FLG2: variants seen among roughly 807,000 people sequenced by gnomAD.
The protein encoded by FLG2 is filaggrin 2.
In FLG2, 7 loss-of-function variants were observed where a neutral mutation model predicts 3.9. The observed-to-expected ratio is 1.79, with a 90% CI of 1.02 to 3.36. FLG2 has a LOEUF of 3.36. Among genes scored for constraint, FLG2 ranks in the 30% most tolerant of loss-of-function variants. The probability of loss-of-function intolerance (pLI) is 0.00; values close to 1 mark genes in which losing one functional copy is unlikely to be tolerated. For missense variants in FLG2, 2,700 were observed against 2,809.4 expected (o/e 0.96, Z 0.88); for synonymous variants, 1,031 against 1,056.1 (o/e 0.98, Z 0.46).
In FLG2 at chr1:152,357,312, G is replaced by C; in HGVS notation, c.474C>G (p.Asn158Lys). The change falls in exon 3 of 3, where the codon AAC becomes AAG. Residue 158 changes from asparagine (N) to lysine (K), a missense_variant. By Grantham distance (94) the Asn-to-Lys change is moderately conservative. Transcript: ENST00000388718. ...RGTVKCRHGSNSRRLGRQGNL... is the reference protein window; with the variant it reads ...RGTVKCRHGSKSRRLGRQGNL... ...TACCTTGTCTTCCTAGCCTCCTGGA[G>C]TTGGACCCATGTCTACATTTCACAG... is the stretch of plus-strand genomic sequence containing the variant. 1 of 1,614,180 alleles carries C rather than the reference G, an allele frequency of 6.2e-7. No individual in the cohort carries two copies. The highest frequency in any genetic ancestry group is 1.1e-5 in the South Asian group (1 of 91,082).
chr1:152,358,947 C>A, intron 1 of FLG2, 41 bp from the exon 2 acceptor site: 3 of 1,498,136 alleles, frequency 2.0e-6, no homozygotes, highest in South Asian at 1.3e-5. Context: ...TTCATATTCT[C>A]TCCTTTTATC....
Position 152,353,904 on chromosome 1 carries a change from T to C in FLG2, c.3882A>G (p.Thr1294=). The change falls in exon 3 of 3, where the codon ACA becomes ACG. Residue 1294 remains threonine (T), a synonymous_variant. Coordinates refer to ENST00000388718, the MANE Select transcript of FLG2 (RefSeq NM_001014342.3). ...ACTTTGGGTAGTGAGATCCAGCTTG[T>C]GTGTGAATGTGTTCTGAATGTCTGT... The part of the protein sequence containing the change: ...VSHRHSEHIH[T]QAGSHYPKSG... 1 of 1,613,916 alleles carries C rather than the reference T, an allele frequency of 6.2e-7. No individual in the cohort carries two copies. The highest frequency in any genetic ancestry group is 2.2e-5 in the East Asian group (1 of 44,858).
chr1:152,353,903 G>T lies in FLG2; in HGVS notation c.3883C>A (p.Gln1295Lys), dbSNP rs1327248548. 6.2e-7 allele frequency: 1 copy of T among 1,614,110 alleles called. No individual in the cohort carries two copies. The highest frequency in any genetic ancestry group is 8.5e-7 in the Non-Finnish European group (1 of 1,179,988). The change falls in exon 3 of 3, where the codon CAA becomes AAA. Residue 1295 changes from glutamine to lysine, a missense_variant. Gln to Lys is a moderately conservative substitution (Grantham distance 53). Transcript: ENST00000388718. ...SHRHSEHIHT[Q>K]AGSHYPKSGS... ...GACTTTGGGTAGTGAGATCCAGCTT[G>T]TGTGTGAATGTGTTCTGAATGTCTG...
rs150737008 is a variant in FLG2 at position 152,353,316 on chromosome 1, C to T, written c.4470G>A (p.Gly1490=). 65 of 1,613,020 alleles carry T rather than the reference C, an allele frequency of 4.0e-5. No homozygotes were observed. The African/African-American group carries it at 8.4e-4, about 21-fold the overall frequency. The stretch of plus-strand genomic sequence containing the variant: ...ATCCCCTTCTTCCAGTTGTACTGGA[C>T]CCTCTCTGTGTGGATTTTCCATGAT... The part of the protein sequence containing the change: ...HYHHGKSTQR[G]SSTTGRRGSG... Residue 1490 remains glycine (G), a synonymous_variant, in exon 3 of 3, where the codon GGG becomes GGA. Coordinates refer to ENST00000388718, the MANE Select transcript of FLG2 (RefSeq NM_001014342.3).
chr1:152,355,870 G>A lies in FLG2; in HGVS notation c.1916C>T (p.Thr639Ile), dbSNP rs1654203056. The A allele has an allele frequency of 1.2e-6, 2 of 1,611,746 alleles. No homozygotes were observed. The highest frequency in any genetic ancestry group is 1.7e-6 in the Non-Finnish European group (2 of 1,179,598). The change falls in exon 3 of 3, where the codon ACA becomes ATA. Residue 639 changes from threonine to isoleucine, a missense_variant. Transcript: ENST00000388718. ...TGACCCATGTTGTCCAAAGCCAGAT[G>A]TCTGTCTAGACCCATGTTGGCCATA... is the stretch of plus-strand genomic sequence containing the variant. ...SGYGQHGSRQTSGFGQHGSGS... is the reference protein window; with the variant it reads ...SGYGQHGSRQISGFGQHGSGS...
rs970660372 is a variant in FLG2, at chr1:152,352,292, G to C, written c.5494C>G (p.Gln1832Glu). ...ACTATGGATTCTGACTCTCCATGTT[G>C]AGATCCAGCCTGGCCGTGAGTGTGT... is the stretch of plus-strand genomic sequence containing the variant. ...RGHTHGQAGS[Q>E]HGESESIVDE... The change falls in exon 3 of 3, where the codon CAA (glutamine) becomes GAA (glutamate). Residue 1832 changes from glutamine (Q) to glutamate (E), a missense_variant. Gln to Glu is a conservative substitution (Grantham distance 29, BLOSUM62 2). Transcript: ENST00000388718. 1.2e-6 allele frequency: 2 copies of C among 1,613,612 alleles called. No homozygotes were observed. The highest frequency in any genetic ancestry group is 1.7e-6 in the Non-Finnish European group (2 of 1,179,920).
In FLG2 at chr1:152,353,696, G is replaced by A. The variant is rs1184938127; in HGVS notation, c.4090C>T (p.His1364Tyr). The A allele has an allele frequency of 6.2e-7, 1 of 1,613,846 alleles. No homozygotes were observed. The highest frequency in any genetic ancestry group is 8.5e-7 in the Non-Finnish European group (1 of 1,179,970). The change falls in exon 3 of 3, where the codon CAC (histidine) becomes TAC (tyrosine). Residue 1364 changes from histidine to tyrosine, a missense_variant. Coordinates refer to ENST00000388718, the MANE Select transcript of FLG2 (RefSeq NM_001014342.3). ...TGGCTGTGAGTTTGTTCTTGTGAGT[G>A]TGGTCTATGTGAGACCCCTGAGTGC... The part of the protein sequence containing the change: ...EVHSGVSHRP[H>Y]SQEQTHSQAG...
rs752257791 is a variant in FLG2, at chr1:152,351,202, G to A, written c.6584C>T (p.Thr2195Ile). Reference protein sequence around the residue: ...DSEVHSEASPTHSGHTHSQAG... With the variant: ...DSEVHSEASPIHSGHTHSQAG... The stretch of plus-strand genomic sequence containing the variant: ...TTGGCTGTGAGTGTGTCCTGAATGT[G>A]TGGGTGAGGCCTCTGAGTGCACTTC... The change falls in exon 3 of 3, where the codon ACA (threonine) becomes ATA (isoleucine). Residue 2195 changes from threonine (T) to isoleucine (I), a missense_variant. Transcript: ENST00000388718. 4 of 1,613,792 alleles carry A rather than the reference G, an allele frequency of 2.5e-6. No homozygotes were observed. Among genetic ancestry groups the A allele is most frequent in the Non-Finnish European group, 3.4e-6 (4 of 1,179,954 alleles).
Position 152,351,508 on chromosome 1 carries a change from C to T in FLG2, c.6278G>A (p.Arg2093Lys). The change falls in exon 3 of 3, where the codon AGA (arginine) becomes AAA (lysine). Residue 2093 changes from arginine to lysine, a missense_variant. Transcript: ENST00000388718. The part of the protein sequence containing the change: ...AHSGHGQSTQ[R>K]GSRTAGRRGS... ...CCTTCTTCCAGCTGTCCTTGACCCT[C>T]TCTGTGTGGACTGTCCATGACCAGA... is the stretch of plus-strand genomic sequence containing the variant. The T allele has an allele frequency of 1.2e-6, 2 of 1,603,678 alleles. No individual in the cohort carries two copies. Among genetic ancestry groups the T allele is most frequent in the Non-Finnish European group, 1.7e-6 (2 of 1,176,478 alleles).
intron 2 of FLG2, among the ~76,000 whole-genome samples, chr1:152,358,142 C>G (rs1187836409): frequency 1.3e-5 from 2 of 151,990 alleles, no homozygotes; most frequent in Non-Finnish European, 2.9e-5. Context: ...CTGCCTCAGC[C>G]TCCCGAGTAG....
Position 152,350,524 on chromosome 1 carries a change from A to G in FLG2, c.*86T>C. 6.8e-7 allele frequency: 1 copy of G among 1,480,858 alleles called. No homozygotes were observed. Among genetic ancestry groups the G allele is most frequent in the Non-Finnish European group, 9.1e-7 (1 of 1,101,218 alleles). The allele number at this position is 1,480,858 out of a possible 1,614,324, so 91.7% of individuals were successfully genotyped here. ...AGAATCAACTGAATGTTCATAACTTACCATTGACTGTTCATGATTTAAACT... is the reference window on the plus strand; with the variant it reads ...AGAATCAACTGAATGTTCATAACTTGCCATTGACTGTTCATGATTTAAACT... On this transcript the variant is annotated 3_prime_UTR_variant, in exon 3 of 3. Coordinates refer to ENST00000388718, the MANE Select transcript of FLG2 (RefSeq NM_001014342.3).
rs144607715 is a variant in FLG2, at chr1:152,353,245, G to A, written c.4541C>T (p.Ser1514Leu). 9.8e-5 allele frequency: 153 copies of A among 1,568,106 alleles called. No individual in the cohort carries two copies. In the African/African-American group the frequency reaches 1.2e-3, roughly 12 times the overall value. The change falls in exon 3 of 3, where the codon TCG becomes TTG. Residue 1514 changes from serine to leucine, a missense_variant. Transcript: ENST00000388718. ...GTGAGTGTGTCCTGAATGTGTGTGCGAGCCCCCTGAGTGCACTTCACTGTC... is the reference window on the plus strand; with the variant it reads ...GTGAGTGTGTCCTGAATGTGTGTGCAAGCCCCCTGAGTGCACTTCACTGTC... ...SSDSEVHSGG[S>L]HTHSGHTHGQ...
In FLG2 at chr1:152,356,249, C is replaced by T. The variant is rs1654225440; in HGVS notation, c.1537G>A (p.Gly513Arg). Residue 513 changes from glycine to arginine, a missense_variant, in exon 3 of 3, where the codon GGA (glycine) becomes AGA (arginine). Coordinates refer to ENST00000388718, the MANE Select transcript of FLG2 (RefSeq NM_001014342.3). ...SGFGQHGSVS[G>R]QSSGFGQHGS... ...TGCTGTCCAAAACCAGAGGATTGTC[C>T]TGAGACAGACCCATGCTGTCCAAAG... is the stretch of plus-strand genomic sequence containing the variant. 1.9e-6 allele frequency: 3 copies of T among 1,613,926 alleles called. No individual in the cohort carries two copies. The highest frequency in any genetic ancestry group is 2.5e-6 in the Non-Finnish European group (3 of 1,180,002).
At position 152,355,090 on chromosome 1, in the gene FLG2, T is replaced by A; in HGVS notation, c.2696A>T (p.Gln899Leu). ...GTATTGTCCTGAGCCAGTCCCATGT[T>A]GTCCAAAGCCACTGGACTGACCTGA... is the stretch of plus-strand genomic sequence containing the variant. ...SGSGQSSGFG[Q>L]HGTGSGQYSG... The change falls in exon 3 of 3, where the codon CAA becomes CTA. Residue 899 changes from glutamine to leucine, a missense_variant. Gln to Leu is a moderately radical substitution (Grantham distance 113). Coordinates refer to ENST00000388718, the MANE Select transcript of FLG2 (RefSeq NM_001014342.3). 2 of 1,554,920 alleles carry A rather than the reference T, an allele frequency of 1.3e-6. No individual in the cohort carries two copies. Among genetic ancestry groups the A allele is most frequent in the Non-Finnish European group, 1.7e-6 (2 of 1,153,212 alleles).
intron 2 of FLG2, among the ~76,000 whole-genome samples, chr1:152,358,025 CT>C (rs5777805): frequency 0.16 from 22,622 of 144,290 alleles, 2,149 homozygotes; most frequent in East Asian, 0.47. Context: ...ATAACTGAGT[CT>C]TTTTTTTTTT....
In FLG2 at chr1:152,355,495, C is replaced by T. The variant is rs763201806; in HGVS notation, c.2291G>A (p.Arg764Lys). The T allele has an allele frequency of 1.9e-6, 3 of 1,613,336 alleles. No homozygotes were observed. Among genetic ancestry groups the T allele is most frequent in the South Asian group, 2.2e-5 (2 of 91,022 alleles). ...QSSGFGQHES[R>K]SGQSSYGQHS... ...TTGGCCATAGCTAGACTGACCTGAT[C>T]TAGACTCATGTTGTCCAAAGCCAGA... Residue 764 changes from arginine to lysine, a missense_variant, in exon 3 of 3, where the codon AGA (arginine) becomes AAA (lysine). By Grantham distance (26) the Arg-to-Lys change is conservative. Transcript: ENST00000388718.
At position 152,350,919 on chromosome 1, in the gene FLG2, T is replaced by G. The variant is rs149170140; in HGVS notation, c.6867A>C (p.Thr2289=). ...GAGTAGTTTCCAGTCTCCCATGAAC[T>G]GTGGATCCTGGCTGTCTTTGTTGAG... ...AGSQQRQPGS[T]VHGRLETTHG... is the part of the protein sequence containing the mutation. Residue 2289 remains threonine (T), a synonymous_variant, in exon 3 of 3, where the codon ACA becomes ACC. Transcript: ENST00000388718. 2.5e-4 allele frequency: 398 copies of G among 1,613,776 alleles called. 4 individuals carry two copies. The East Asian group carries it at 8.9e-3, about 36-fold the overall frequency.
Position 152,353,711 on chromosome 1 carries a change from C to A in FLG2, c.4075G>T (p.Val1359Phe), listed in dbSNP as rs138338246. The A allele has an allele frequency of 1.6e-5, 26 of 1,613,958 alleles. No individual in the cohort carries two copies. The highest frequency in any genetic ancestry group is 2.1e-5 in the Non-Finnish European group (25 of 1,179,998). ...DATDSEVHSG[V>F]SHRPHSQEQT... ...TCTTGTGAGTGTGGTCTATGTGAGA[C>A]CCCTGAGTGCACTTCACTGTCAGTG... The change falls in exon 3 of 3, where the codon GTC (valine) becomes TTC (phenylalanine). Residue 1359 changes from valine (V) to phenylalanine (F), a missense_variant. Val to Phe is a conservative substitution (Grantham distance 50). Transcript: ENST00000388718.
rs1476346910 is a variant in FLG2, at chr1:152,349,447, A to G, written c.*1163T>C. 6.6e-6 allele frequency: 1 copy of G among 152,362 alleles called. No homozygotes were observed. Among genetic ancestry groups the G allele is most frequent in the African/African-American group, 2.4e-5 (1 of 41,452 alleles). 9.4% of individuals were successfully genotyped at this position (152,362 alleles called of 1,614,324 possible). A position where few individuals can be genotyped will look rare whatever the true frequency, so the allele number is the denominator to read the frequency against. On this transcript the variant is annotated 3_prime_UTR_variant, in exon 3 of 3. Transcript: ENST00000388718. ...GGCGTGAGCCACCGCGCCCGGCCTC[A>G]TTCACTATTTTCTAACCAAGGAGTT...
Sources: allele counts gnomAD v4.1 joint callset (sites outside exome capture counted in the v4.1 genomes callset), GRCh38; gene constraint gnomAD v4.1.1; transcripts MANE v1.5; gene names NCBI Gene and HGNC (gene_info 2026-07-23, HGNC 2026-07-21).